THOC7: variants seen among roughly 807,000 people sequenced by gnomAD.
The protein encoded by THOC7 is NIF3L1-binding protein 1.
THOC7 carries 22 observed loss-of-function variants against 33.1 expected under a neutral mutation model. That is an observed-to-expected ratio of 0.66 (90% confidence interval 0.47 to 0.95). The LOEUF is 0.95. Among genes scored for constraint, THOC7 ranks in the 40% least tolerant of loss-of-function variants. The pLI is 0.00. For synonymous variants in THOC7, 77 were observed against 76.8 expected, an observed-to-expected ratio of 1.00 and a Z score of -0.01; for missense variants, 184 against 245.3, an observed-to-expected ratio of 0.75 and a Z score of 1.67.
intron 2 of THOC7, 82 bp from the exon 3 acceptor site, chr3:63,838,581 CTAAT>C: frequency 7.5e-7 from 1 of 1,341,408 alleles, no homozygotes; most frequent in Non-Finnish European, 1.0e-6. Context: ...CAAATATTTG[CTAAT>C]TAAATTATAG....
intron 4 of THOC7, 143 bp downstream of exon 4, chr3:63,837,833 T>C (rs185698486): frequency 3.5e-6 from 2 of 573,116 alleles, no homozygotes; most frequent in African/African-American, 3.9e-5. Context: ...TAAAGAATAA[T>C]ATAGTTTTAA....
At chr3:63,847,062 A>G (rs1439646831) in intron 1 of THOC7, among the ~76,000 whole-genome samples, 1 of 152,090 alleles carries the variant, frequency 6.6e-6, no homozygotes, top group East Asian at 1.9e-4. Flanking sequence ...GTTTGTTGGG[A>G]ATGGATCGAA....
intron 1 of THOC7, among the ~76,000 whole-genome samples, chr3:63,850,347 C>G (rs780506665): frequency 6.6e-6 from 1 of 151,584 alleles, no homozygotes; most frequent in South Asian, 2.1e-4. Flanking sequence ...ATTATAGGCA[C>G]GTACCACCAC....
intron 1 of THOC7, among the ~76,000 whole-genome samples, chr3:63,856,533 C>A (rs2107162406): frequency 6.6e-6 from 1 of 152,072 alleles, no homozygotes; most frequent in African/African-American, 2.4e-5. Context: ...CCTACTATAT[C>A]ACTTAAAAAA....
rs920892450 is a variant in THOC7 at position 63,834,840 on chromosome 3, G to T, written c.547+314C>A. 2.0e-5 allele frequency among the ~76,000 whole-genome samples: 3 copies of T among 152,122 alleles called. No homozygotes were observed. The South Asian group carries it at 6.2e-4, about 32-fold the overall frequency. On this transcript the variant is annotated intron_variant, in intron 7 of 7. Coordinates refer to ENST00000295899, the MANE Select transcript of THOC7 (RefSeq NM_025075.4). ...TCGTATGTACTGATTTCTTATTATT[G>T]CCTGCCTGGGTCCTGAGTTGTTATA...
chr3:63,843,161 C>T (rs1286096011), intron 1 of THOC7, among the ~76,000 whole-genome samples: 1 of 151,856 alleles, frequency 6.6e-6, no homozygotes, highest in Non-Finnish European at 1.5e-5. Context: ...CTCTTTCATC[C>T]AGGCTAGAGT....
upstream of THOC7, among the ~76,000 whole-genome samples, chr3:63,864,290 A>C: frequency 7.0e-6 from 1 of 141,848 alleles, no homozygotes; most frequent in African/African-American, 2.6e-5. Flanking sequence ...TGACGCTGCT[A>C]GGGGTGGGCT....
intron 1 of THOC7, among the ~76,000 whole-genome samples, chr3:63,858,491 A>G (rs1702152459): frequency 6.6e-6 from 1 of 152,100 alleles, no homozygotes; most frequent in African/African-American, 2.4e-5. Context: ...AAAACCAGCA[A>G]GCTTTATTAA....
chr3:63,850,193 C>T (rs897197617), intron 1 of THOC7, among the ~76,000 whole-genome samples: 5 of 151,966 alleles, frequency 3.3e-5, no homozygotes, highest in African/African-American at 9.7e-5. Flanking sequence ...TTGGGACTGC[C>T]GGCTTTTATT....
At chr3:63,841,852 T>C (rs940878089) in intron 1 of THOC7, among the ~76,000 whole-genome samples, 5 of 152,192 alleles carry the variant, frequency 3.3e-5, no homozygotes, top group South Asian at 2.1e-4. Context: ...ATCTAGTGGG[T>C]GAATCTGGTG....
At chr3:63,837,464 A>G (rs1701658940) in intron 4 of THOC7, among the ~76,000 whole-genome samples, 1 of 152,110 alleles carries the variant, frequency 6.6e-6, no homozygotes, top group Non-Finnish European at 1.5e-5. Flanking sequence ...ACAAGAGATT[A>G]TAACAAAACT....
intron 1 of THOC7, among the ~76,000 whole-genome samples, chr3:63,854,329 T>A (rs192973872): frequency 1.3e-5 from 2 of 152,328 alleles, no homozygotes; most frequent in Admixed American, 6.5e-5. Context: ...TGACATCTTA[T>A]CAATTAGCTC....
intron 5 of THOC7, 136 bp from the exon 6 acceptor site, chr3:63,835,526 G>A: frequency 1.6e-6 from 1 of 613,066 alleles, no homozygotes; most frequent in Non-Finnish European, 2.7e-6. Context: ...ACTCCATTAT[G>A]GTGAAACTTT....
chr3:63,834,033 G>T lies in THOC7; in HGVS notation c.*99C>A. 2 of 1,215,872 alleles carry T rather than the reference G, an allele frequency of 1.6e-6. No individual in the cohort carries two copies. The highest frequency in any genetic ancestry group is 2.3e-6 in the Non-Finnish European group (2 of 860,132). The allele number at this position is 1,215,872 out of a possible 1,614,324, so 75.3% of individuals were successfully genotyped here. A position where few individuals can be genotyped will look rare whatever the true frequency, so the allele number is the denominator to read the frequency against. On this transcript the variant is annotated 3_prime_UTR_variant, in exon 8 of 8. Coordinates refer to ENST00000295899, the MANE Select transcript of THOC7 (RefSeq NM_025075.4). ...ATACTTAAAAACAGAGTATTTTACT[G>T]CCAAAACTTTAAATATCTCAAGAGC...
chr3:63,835,252 A>C (rs573190557), intron 6 of THOC7, 29 bp from the exon 7 acceptor site: 2 of 1,612,996 alleles, frequency 1.2e-6, no homozygotes, highest in African/African-American at 2.7e-5. Flanking sequence ...AATTTATACA[A>C]ATGACCTGTA....
chr3:63,845,079 A>T (rs1386656427), intron 1 of THOC7: 1 of 698,618 alleles, frequency 1.4e-6, no homozygotes, highest in Non-Finnish European at 2.6e-6. Flanking sequence ...GAACACAGGA[A>T]AAGGTGATGC....
intron 1 of THOC7, among the ~76,000 whole-genome samples, chr3:63,845,517 A>G (rs1176574940): frequency 6.6e-6 from 1 of 152,236 alleles, no homozygotes; most frequent in Non-Finnish European, 1.5e-5. Flanking sequence ...CTGCAGTAGT[A>G]AAGGTAACCA....
intron 1 of THOC7, among the ~76,000 whole-genome samples, chr3:63,843,714 C>A (rs1701821876): frequency 6.6e-6 from 1 of 152,044 alleles, no homozygotes; most frequent in Non-Finnish European, 1.5e-5. Flanking sequence ...TCCTGGCTAA[C>A]ACAGTGAAAC....
chr3:63,842,532 AAT>A (rs1213708508), intron 1 of THOC7, among the ~76,000 whole-genome samples: 2 of 152,196 alleles, frequency 1.3e-5, no homozygotes, highest in African/African-American at 4.8e-5. Context: ...AAAGGAATGA[AAT>A]AGTGTCTTCT....
Sources: gnomAD v4.1 joint callset for allele counts (sites outside exome capture counted in the v4.1 genomes callset) on GRCh38, gnomAD v4.1.1 for gene constraint, MANE v1.5 for transcripts, NCBI Gene and HGNC (gene_info 2026-07-23, HGNC 2026-07-21) for gene names.